MYCBP2: variants seen among roughly 807,000 people sequenced by gnomAD.
The protein encoded by MYCBP2 is E3 ubiquitin-protein ligase MYCBP2.
In MYCBP2, 120 loss-of-function variants were observed where a neutral mutation model predicts 525.3. The observed-to-expected ratio is 0.23, with a 90% CI of 0.20 to 0.27. MYCBP2 has a LOEUF of 0.27. Among genes scored for constraint, MYCBP2 ranks in the 10% least tolerant of loss-of-function variants. MYCBP2 has a pLI of 1.00. For missense variants in MYCBP2, 4,149 were observed against 5,657.1 expected (o/e 0.73, Z 8.55); for synonymous variants, 1,894 against 1,955.8 (o/e 0.97, Z 0.83).
intron 44 of MYCBP2, among the ~76,000 whole-genome samples, chr13:77,160,872 T>C (rs976220930): frequency 1.3e-5 from 2 of 152,216 alleles, no homozygotes; most frequent in Admixed American, 1.3e-4. Flanking sequence ...AAATGTCTTT[T>C]ATTTTATAAG....
chr13:77,240,555 C>G (rs960201461), intron 17 of MYCBP2, among the ~76,000 whole-genome samples: 2 of 152,060 alleles, frequency 1.3e-5, no homozygotes, highest in African/African-American at 2.4e-5. Context: ...TTGCAGTGGG[C>G]CAAGATTGTG....
In MYCBP2 at chr13:77,326,728, C is replaced by G. The variant is rs1161164573; in HGVS notation, c.48G>C (p.Gly16=). The change falls in exon 1 of 83, where the codon GGG becomes GGC. Residue 16 remains glycine (G), a synonymous_variant. Coordinates refer to ENST00000544440, the MANE Select transcript of MYCBP2 (RefSeq NM_015057.5). This position sits in a 1 kb window ranked among gnomAD's most constrained non-coding sequence, Gnocchi z 4.2. ...ATASPAAASS[G]LGGDGFYPAA... The stretch of plus-strand genomic sequence containing the variant: ...CTGGGTAGAATCCGTCCCCGCCGAG[C>G]CCCGAGGAGGCGGCGGCGGGGGAGG... 1 of 1,410,450 alleles carries G rather than the reference C, an allele frequency of 7.1e-7. No individual in the cohort carries two copies. Among genetic ancestry groups the G allele is most frequent in the South Asian group, 1.5e-5 (1 of 65,982 alleles). 87.4% of individuals were successfully genotyped at this position (1,410,450 alleles called of 1,614,324 possible).
intron 1 of MYCBP2, among the ~76,000 whole-genome samples, chr13:77,297,687 A>T (rs2078341782): frequency 6.6e-6 from 1 of 152,222 alleles, no homozygotes; most frequent in Admixed American, 6.5e-5. Flanking sequence ...GATTTTGAAG[A>T]TGTGTAACTT....
At chr13:77,059,660 A>G (rs758795505) in intron 76 of MYCBP2, 34 bp from the exon 77 acceptor site, 1 of 1,491,912 alleles carries the variant, frequency 6.7e-7, no homozygotes, top group East Asian at 2.3e-5. Flanking sequence ...AATCCTTCTT[A>G]TGGATGTTTT....
At position 77,259,072 on chromosome 13, in the gene MYCBP2, C is replaced by A. The variant is rs1275761244; in HGVS notation, c.2018-1243G>T. Among the ~76,000 whole-genome samples the A allele has an allele frequency of 2.0e-5, 3 of 151,952 alleles. No individual in the cohort carries two copies. The East Asian group carries it at 5.8e-4, about 29-fold the overall frequency. On this transcript the variant is annotated intron_variant, in intron 13 of 82. Coordinates refer to ENST00000544440, the MANE Select transcript of MYCBP2 (RefSeq NM_015057.5). ...GAGTTCGAGACCAGCCTGGCCAACACAGTGAAACCTCGTCTCTACTAAAAA... is the reference window on the plus strand; with the variant it reads ...GAGTTCGAGACCAGCCTGGCCAACAAAGTGAAACCTCGTCTCTACTAAAAA...
At chr13:77,218,623 C>T (rs1246196466) in intron 20 of MYCBP2, among the ~76,000 whole-genome samples, 5 of 152,126 alleles carry the variant, frequency 3.3e-5, no homozygotes, top group Non-Finnish European at 7.4e-5. Flanking sequence ...CGGTGTCTAC[C>T]CCCACAGAGT....
At chr13:77,173,653 A>T (rs2059348325) in intron 37 of MYCBP2, among the ~76,000 whole-genome samples, 1 of 152,240 alleles carries the variant, frequency 6.6e-6, no homozygotes, top group Admixed American at 6.5e-5. Context: ...TTTAATGCCA[A>T]GTCAGGCTGA....
intron 82 of MYCBP2, among the ~76,000 whole-genome samples, chr13:77,047,211 G>C (rs1566257988): frequency 6.6e-6 from 1 of 152,214 alleles, no homozygotes; most frequent in Non-Finnish European, 1.5e-5. Context: ...CTGAGGCACT[G>C]TTCTAGTATA....
chr13:77,152,235 G>C (rs1348159837), intron 46 of MYCBP2, among the ~76,000 whole-genome samples: 3 of 152,172 alleles, frequency 2.0e-5, no homozygotes, highest in Admixed American at 2.0e-4. Flanking sequence ...GAGGTTACAA[G>C]AGATCAGTAT....
In MYCBP2 at chr13:77,190,769, T is replaced by C. The variant is rs576528044; in HGVS notation, c.4071-434A>G. ...ACTTAGTTCTAAAGACATTCTTAAGTTGATGCACATAACAACAGATGTGAT... is the reference window on the plus strand; with the variant it reads ...ACTTAGTTCTAAAGACATTCTTAAGCTGATGCACATAACAACAGATGTGAT... On this transcript the variant is annotated intron_variant, in intron 28 of 82. Coordinates refer to ENST00000544440, the MANE Select transcript of MYCBP2 (RefSeq NM_015057.5). Among the ~76,000 whole-genome samples, 230 of 152,328 alleles carry C rather than the reference T, an allele frequency of 1.5e-3. 1 individual carries two copies. Among genetic ancestry groups the C allele is most frequent in the African/African-American group, 5.2e-3 (218 of 41,584 alleles).
At chr13:77,089,183 G>C (rs1267090468) in intron 60 of MYCBP2, 152 bp from the exon 61 acceptor site, 7 of 576,504 alleles carry the variant, frequency 1.2e-5, no homozygotes, top group Non-Finnish European at 2.0e-5. Flanking sequence ...AGGAAACCAA[G>C]GTTCAGAAAG....
chr13:77,171,121 G>GAGAT (rs1488905199), intron 38 of MYCBP2, among the ~76,000 whole-genome samples: 1 of 152,188 alleles, frequency 6.6e-6, no homozygotes, highest in East Asian at 1.9e-4. Context: ...TGCCTCTGAG[G>GAGAT]AGATGGTTAG....
Position 77,326,640 on chromosome 13 carries a change from C to T in MYCBP2, c.136G>A (p.Val46Met). ...ALFMPVPDGS[V>M]AAAGLGLGLP... Reference sequence around the variant, plus strand: ...CCCAGCCCCAGCCCCGCAGCAGCCACGGAGCCGTCGGGAACCGGCATGAAC... The same window carrying T: ...CCCAGCCCCAGCCCCGCAGCAGCCATGGAGCCGTCGGGAACCGGCATGAAC... The change falls in exon 1 of 83, where the codon GTG becomes ATG. Residue 46 changes from valine (V) to methionine (M), a missense_variant. Physicochemically the swap from Val to Met is conservative, Grantham distance 21 (BLOSUM62 1). Around this residue, in one of 21 missense-constraint regions of MYCBP2, gnomAD observed 413 missense variants for 451.2 expected, o/e 0.92. Coordinates refer to ENST00000544440, the MANE Select transcript of MYCBP2 (RefSeq NM_015057.5). This position sits in a 1 kb window ranked among gnomAD's most constrained non-coding sequence, Gnocchi z 4.2. 6.5e-7 allele frequency: 1 copy of T among 1,544,104 alleles called. No individual in the cohort carries two copies.
intron 76 of MYCBP2, among the ~76,000 whole-genome samples, chr13:77,059,966 C>T (rs1216986049): frequency 6.6e-6 from 1 of 151,712 alleles, no homozygotes; most frequent in African/African-American, 2.4e-5. Context: ...AATATGATAA[C>T]CAAAAATTAA....
intron 59 of MYCBP2, among the ~76,000 whole-genome samples, chr13:77,092,884 C>T (rs544270108): frequency 3.3e-5 from 5 of 152,262 alleles, no homozygotes; most frequent in Non-Finnish European, 5.9e-5. Context: ...CATGAAAACT[C>T]AAAGTAACCC....
At chr13:77,286,148 C>G (rs1443076665) in intron 3 of MYCBP2, among the ~76,000 whole-genome samples, 1 of 152,116 alleles carries the variant, frequency 6.6e-6, no homozygotes, top group Non-Finnish European at 1.5e-5. Flanking sequence ...TGGTGGTGTA[C>G]TTAGGAACAG....
intron 74 of MYCBP2, among the ~76,000 whole-genome samples, chr13:77,062,286 A>G (rs964883599): frequency 3.3e-5 from 5 of 152,198 alleles, no homozygotes; most frequent in Admixed American, 6.5e-5. Context: ...ATTACATTTT[A>G]GTAAAATATC....
chr13:77,135,063 T>G (rs544091408), intron 52 of MYCBP2, among the ~76,000 whole-genome samples: 2 of 152,318 alleles, frequency 1.3e-5, no homozygotes, highest in East Asian at 3.9e-4. Flanking sequence ...ATAGTTTGTT[T>G]GAGTTGGGAT....
intron 17 of MYCBP2, among the ~76,000 whole-genome samples, chr13:77,237,896 T>C (rs755527091): frequency 2.6e-5 from 4 of 152,190 alleles, no homozygotes; most frequent in Non-Finnish European, 2.9e-5. Context: ...TCAGCTAATA[T>C]TGGATTTGAT....
Sources: gnomAD v4.1 joint callset for allele counts (sites outside exome capture counted in the v4.1 genomes callset) on GRCh38, gnomAD v4.1.1 for gene constraint, gnomAD v4.1.1 regional missense constraint, Gnocchi (gnomAD v3.1) non-coding constraint, MANE v1.5 for transcripts, NCBI Gene and HGNC (gene_info 2026-07-23, HGNC 2026-07-21) for gene names.